The following RYR1 variants were observed in gnomAD, a reference collection of about 807,000 sequenced individuals.
The protein encoded by RYR1 is ryanodine receptor 1, also known as central core disease of muscle.
A neutral mutation model predicts 583.5 loss-of-function variants in RYR1; 342 were observed. The observed-to-expected ratio is 0.59, with a 90% confidence interval of 0.54 to 0.64. The LOEUF (loss-of-function observed/expected upper bound fraction) is 0.64. Ranked by LOEUF, RYR1 falls within the 30% of genes least tolerant of loss-of-function variation. The probability of loss-of-function intolerance (pLI) is 0.00; values close to 1 mark genes in which losing one functional copy is unlikely to be tolerated. For missense variants in RYR1, 6,032 were observed against 6,917.2 expected (o/e 0.87, Z 4.54); for synonymous variants, 2,791 against 2,822.5 (o/e 0.99, Z 0.35).
rs957036394 is a variant in RYR1 at position 38,512,027 on chromosome 19, G to A, written c.9173-45G>A. 11 of 1,599,208 alleles carry A rather than the reference G, an allele frequency of 6.9e-6. No individual in the cohort carries two copies. The African/African-American group carries it at 1.5e-4, about 21-fold the overall frequency. ...GATGTAGAGGGAGGCACTGTCCTCT[G>A]TCCTCTTAGCCATGGCATCCCCCCG... On this transcript the variant is annotated intron_variant, in intron 61 of 105. Coordinates refer to ENST00000359596, the MANE Select transcript of RYR1 (RefSeq NM_000540.3). The surrounding 1 kb of genome is among the most constrained non-coding windows in gnomAD (Gnocchi z 5.1).
chr19:38,460,048 C>A (rs768881606), intron 19 of RYR1, among the ~76,000 whole-genome samples: 1 of 152,124 alleles, frequency 6.6e-6, no homozygotes, highest in Admixed American at 6.6e-5. Flanking sequence ...GTCTCCCCAA[C>A]CTTCCAATGA....
chr19:38,480,951 C>T (rs968682612), intron 31 of RYR1, among the ~76,000 whole-genome samples: 7 of 152,010 alleles, frequency 4.6e-5, no homozygotes, highest in African/African-American at 1.7e-4. Context: ...TGGTCTTGAA[C>T]TCCTGGGCTC....
rs1308668320 is a variant in RYR1 at position 38,565,814 on chromosome 19, G to T, written c.13437+43G>T. 1.5e-6 allele frequency: 2 copies of T among 1,368,382 alleles called. No homozygotes were observed. Among genetic ancestry groups the T allele is most frequent in the Non-Finnish European group, 1.9e-6 (2 of 1,068,664 alleles). The allele number at this position is 1,368,382 out of a possible 1,614,324, so 84.8% of individuals were successfully genotyped here. On this transcript the variant is annotated intron_variant, in intron 91 of 105. Transcript: ENST00000359596. The surrounding 1 kb of genome is among the most constrained non-coding windows in gnomAD (Gnocchi z 4.7). ...GTTTTGGGGTTTTGGAAAGATGGGGGATTGGAGGGAGGAAGAGAGCCCGGC... is the reference window on the plus strand; with the variant it reads ...GTTTTGGGGTTTTGGAAAGATGGGGTATTGGAGGGAGGAAGAGAGCCCGGC...
At position 38,448,488 on chromosome 19, in the gene RYR1, T is replaced by A; in HGVS notation, c.934T>A (p.Ser312Thr). 1 of 1,613,946 alleles carries A rather than the reference T, an allele frequency of 6.2e-7. No individual in the cohort carries two copies. The highest frequency in any genetic ancestry group is 8.5e-7 in the Non-Finnish European group (1 of 1,179,996). ...DASKAHTKAT[S>T]FCFRISKEKL... Reference sequence around the variant, plus strand: ...CAGCAAGGCTCACACCAAGGCTACCTCCTTCTGCTTCCGCATCTCCAAGGT... The same window carrying A: ...CAGCAAGGCTCACACCAAGGCTACCACCTTCTGCTTCCGCATCTCCAAGGT... Residue 312 changes from serine (S) to threonine (T), a missense_variant, in exon 10 of 106, where the codon TCC (serine) becomes ACC (threonine). Ser to Thr is a moderately conservative substitution (Grantham distance 58, BLOSUM62 1). This residue lies in a region of RYR1 where 338 missense variants were observed against 441.6 expected (regional missense o/e 0.77). Transcript: ENST00000359596.
intron 42 of RYR1, among the ~76,000 whole-genome samples, chr19:38,498,548 G>T (rs1969951708): frequency 1.3e-5 from 2 of 152,294 alleles, no homozygotes; most frequent in Middle Eastern, 3.4e-3. Flanking sequence ...AGGAATAAAA[G>T]AATGGCTAAT....
Position 38,502,896 on chromosome 19 carries a change from A to C in RYR1, c.7852A>C (p.Met2618Leu). 1.9e-6 allele frequency: 3 copies of C among 1,611,478 alleles called. No individual in the cohort carries two copies. Among genetic ancestry groups the C allele is most frequent in the Non-Finnish European group, 2.5e-6 (3 of 1,179,970 alleles). Residue 2618 changes from methionine (M) to leucine (L), a missense_variant, in exon 49 of 106, where the codon ATG becomes CTG. Physicochemically the swap from Met to Leu is conservative, Grantham distance 15. This residue lies in a region of RYR1 where 250 missense variants were observed against 162.3 expected (regional missense o/e 1.54). Transcript: ENST00000359596. ...GTCCCGCAGGTACATCCGCCCGTCG[A>C]TGCTGCAGCACCTGTTGCGCCGCCT... ...MSLCRYIRPSMLQHLLRRLVF... is the reference protein window; with the variant it reads ...MSLCRYIRPSLLQHLLRRLVF...
At position 38,496,405 on chromosome 19, in the gene RYR1, C is replaced by A. The variant is rs758898722; in HGVS notation, c.6664-4C>A. ...GCAGGCCCTGACCACCCTGCCTGTC[C>A]CAGGAGATCCGCTTCCCCAAGATGG... On this transcript the variant is annotated splice_region_variant and splice_polypyrimidine_tract_variant and intron_variant, in intron 40 of 105. Coordinates refer to ENST00000359596, the MANE Select transcript of RYR1 (RefSeq NM_000540.3). The surrounding 1 kb of genome is among the most constrained non-coding windows in gnomAD (Gnocchi z 4.8). The A allele has an allele frequency of 1.2e-6, 2 of 1,613,720 alleles. No homozygotes were observed. Among genetic ancestry groups the A allele is most frequent in the African/African-American group, 1.3e-5 (1 of 74,930 alleles).
In RYR1 at chr19:38,443,611, C is replaced by T. The variant is rs764573903; in HGVS notation, c.324C>T (p.Leu108=). 6 of 1,614,100 alleles carry T rather than the reference C, an allele frequency of 3.7e-6. No individual in the cohort carries two copies. The highest frequency in any genetic ancestry group is 5.1e-6 in the Non-Finnish European group (6 of 1,179,992). The change falls in exon 4 of 106, where the codon CTC becomes CTT. Residue 108 remains leucine (L), a synonymous_variant. Transcript: ENST00000359596. ...RTLLYGHAIL[L]RHAHSRMYLS... The stretch of plus-strand genomic sequence containing the variant: ...TCCTGTATGGCCATGCCATCCTGCT[C>T]CGGCATGCACACAGCCGCATGGTGA...
intron 27 of RYR1, 86 bp from the exon 28 acceptor site, chr19:38,473,291 G>A: frequency 6.6e-7 from 1 of 1,523,938 alleles, no homozygotes; most frequent in Non-Finnish European, 9.1e-7. Flanking sequence ...TGGCCTAATG[G>A]TGGCTCCGTG....
intron 92 of RYR1, among the ~76,000 whole-genome samples, 154 bp from the exon 93 acceptor site, chr19:38,567,619 G>A (rs1378242443): frequency 6.6e-6 from 1 of 152,186 alleles, no homozygotes; most frequent in East Asian, 1.9e-4. Context: ...AGCCCCATAA[G>A]GGCAAGTCCT....
chr19:38,474,289 G>A (rs1340727410), intron 28 of RYR1, among the ~76,000 whole-genome samples: 1 of 151,156 alleles, frequency 6.6e-6, no homozygotes, highest in Non-Finnish European at 1.5e-5. Flanking sequence ...TTTTTTTGAG[G>A]AGGAATCTCT....
chr19:38,483,023 C>A lies in RYR1; in HGVS notation c.4621-4C>A. 1.2e-6 allele frequency: 2 copies of A among 1,613,690 alleles called. No individual in the cohort carries two copies. Among genetic ancestry groups the A allele is most frequent in the African/African-American group, 1.3e-5 (1 of 75,022 alleles). ...GCTCACCTCGTCCTCTTCTCCTCTG[C>A]CAGGTGGAACCCAACACTAAGCTAT... On this transcript the variant is annotated splice_region_variant and splice_polypyrimidine_tract_variant and intron_variant, in intron 31 of 105. Coordinates refer to ENST00000359596, the MANE Select transcript of RYR1 (RefSeq NM_000540.3). This position sits in a 1 kb window ranked among gnomAD's most constrained non-coding sequence, Gnocchi z 6.3.
intron 11 of RYR1, 50 bp downstream of exon 11, chr19:38,448,863 A>G: frequency 6.4e-7 from 1 of 1,569,170 alleles, no homozygotes; most frequent in Non-Finnish European, 8.7e-7. Context: ...GAATCGCTTG[A>G]GTCCAGGAGG....
At chr19:38,481,763 G>A (rs1194083357) in intron 31 of RYR1, among the ~76,000 whole-genome samples, 1 of 152,012 alleles carries the variant, frequency 6.6e-6, no homozygotes, top group East Asian at 1.9e-4. Flanking sequence ...TCCAGCCTGG[G>A]TGGCAGAGCG....
intron 20 of RYR1, 54 bp downstream of exon 20, chr19:38,460,645 G>T: frequency 6.6e-7 from 1 of 1,515,380 alleles, no homozygotes; most frequent in South Asian, 1.1e-5. Context: ...TTAGGAGTCA[G>T]AGAGGGGGCA....
chr19:38,519,990 T>A lies in RYR1; in HGVS notation c.10259+536T>A, dbSNP rs542273080. On this transcript the variant is annotated intron_variant, in intron 67 of 105. Transcript: ENST00000359596. ...ATGCAGCTGGCCAGTGTGATTTTTT[T>A]TAAATCATTCTCCTAATGCTGGACA... 1.7e-4 allele frequency among the ~76,000 whole-genome samples: 26 copies of A among 152,228 alleles called. No homozygotes were observed. The South Asian group carries it at 2.9e-3, about 17-fold the overall frequency.
In RYR1 at chr19:38,500,098, C is replaced by T. The variant is rs1041481087; in HGVS notation, c.7323+82C>T. ...CGCCTCATGCAGGCACTCGGTGACA[C>T]GGAGTGAGCTCCCATATGTGGGTGG... On this transcript the variant is annotated intron_variant, in intron 45 of 105. Transcript: ENST00000359596. The surrounding 1 kb of genome is among the most constrained non-coding windows in gnomAD (Gnocchi z 5.9). 113 of 1,213,712 alleles carry T rather than the reference C, an allele frequency of 9.3e-5. No homozygotes were observed. Among genetic ancestry groups the T allele is most frequent in the Middle Eastern group, 2.1e-4 (1 of 4,756 alleles). 75.2% of individuals were successfully genotyped at this position (1,213,712 alleles called of 1,614,324 possible).
At chr19:38,517,821 C>G in intron 66 of RYR1, 130 bp downstream of exon 66, 1 of 868,388 alleles carries the variant, frequency 1.2e-6, no homozygotes, top group Non-Finnish European at 1.8e-6. Flanking sequence ...TTTTCAGCAT[C>G]AAAAGACCAG....
intron 61 of RYR1, 140 bp from the exon 62 acceptor site, chr19:38,511,931 TG>T (rs1158808428): frequency 5.0e-5 from 50 of 1,001,878 alleles, no homozygotes; most frequent in Non-Finnish European, 6.1e-5. Flanking sequence ...TGTAGGAGTC[TG>T]GGGGGGTGGG....
Sources: allele counts gnomAD v4.1 joint callset (sites outside exome capture counted in the v4.1 genomes callset), GRCh38; gene constraint gnomAD v4.1.1; regional missense constraint gnomAD v4.1.1; non-coding constraint Gnocchi (gnomAD v3.1); transcripts MANE v1.5; gene names NCBI Gene and HGNC (gene_info 2026-07-23, HGNC 2026-07-21).